Variants in SURF4 observed in about 807,000 individuals in gnomAD.
SURF4 encodes the protein surfeit 4.
A neutral mutation model predicts 30.0 loss-of-function variants in SURF4; 3 were observed. The observed-to-expected ratio is 0.10, with a 90% CI of 0.05 to 0.26. SURF4 has a LOEUF of 0.26. Ranked by LOEUF, SURF4 falls within the 10% of genes least tolerant of loss-of-function variation. SURF4 has a pLI of 1.00. For missense variants in SURF4, 217 were observed against 350.8 expected (o/e 0.62, Z 3.05); for synonymous variants, 143 against 139.9 (o/e 1.02, Z -0.16).
chr9:133,369,832 C>G (rs1167114285), intron 1 of SURF4, among the ~76,000 whole-genome samples: 1 of 152,360 alleles, frequency 6.6e-6, no homozygotes, highest in East Asian at 1.9e-4. Context: ...AAGCCTTTAT[C>G]TCATCTGAAC....
chr9:133,376,452 C>G (rs1163734858), upstream of SURF4: 1 of 1,562,058 alleles, frequency 6.4e-7, no homozygotes, highest in East Asian at 2.4e-5. Flanking sequence ...GGACGCTCGC[C>G]CGTACGCGGT....
At chr9:133,366,449 G>A (rs1837178806) in intron 3 of SURF4, 150 bp downstream of exon 3, 4 of 832,822 alleles carry the variant, frequency 4.8e-6, no homozygotes, top group Middle Eastern at 3.1e-4. Context: ...TTGGGCTCAC[G>A]ACTTCCCCAG....
intron 1 of SURF4, chr9:133,371,197 A>G (rs2130186873): frequency 5.4e-6 from 5 of 930,658 alleles, no homozygotes; most frequent in African/African-American, 1.8e-5. Flanking sequence ...GAATGTGAAC[A>G]TCGACGAAAA....
intron 1 of SURF4, 79 bp downstream of exon 1, chr9:133,375,843 G>A: frequency 8.3e-7 from 1 of 1,201,318 alleles, no homozygotes; most frequent in South Asian, 4.2e-5. Flanking sequence ...CTGGCGCCCT[G>A]CGCTGGGAGG....
chr9:133,371,710 C>T (rs1400670917), intron 1 of SURF4, among the ~76,000 whole-genome samples: 3 of 152,218 alleles, frequency 2.0e-5, no homozygotes, highest in Admixed American at 1.3e-4. Flanking sequence ...TATGACAGAG[C>T]CTGCCACTGT....
rs1435739914 is a variant in SURF4, at chr9:133,373,700, C to T, written c.48+2222G>A. On this transcript the variant is annotated intron_variant, in intron 1 of 5. Coordinates refer to ENST00000371989, the MANE Select transcript of SURF4 (RefSeq NM_033161.4). ...TGGGAGGCTAAGGCAGGCGGACCAC[C>T]TGAGGTCGGGAGTTCGAAACCAGCC... Among the ~76,000 whole-genome samples, 12 of 151,520 alleles carry T rather than the reference C, an allele frequency of 7.9e-5. No individual in the cohort carries two copies. The East Asian group carries it at 1.8e-3, about 22-fold the overall frequency.
chr9:133,376,066 G>A (rs1029759121), upstream of SURF4: 15 of 1,207,140 alleles, frequency 1.2e-5, no homozygotes, highest in East Asian at 4.4e-4. Context: ...GAAGTGCCCG[G>A]CGGCCGGCCT....
intron 1 of SURF4, among the ~76,000 whole-genome samples, chr9:133,374,477 CT>C (rs1564369774): frequency 6.6e-6 from 1 of 152,074 alleles, no homozygotes; most frequent in Non-Finnish European, 1.5e-5. Context: ...AGGAGAATCG[CT>C]TGAACCCAGG....
At position 133,363,654 on chromosome 9, in the gene SURF4, C is replaced by A. The variant is rs2130089951; in HGVS notation, c.649G>T (p.Val217Leu). 1.4e-5 allele frequency: 22 copies of A among 1,614,198 alleles called. No homozygotes were observed. The highest frequency in any genetic ancestry group is 1.9e-5 in the Non-Finnish European group (22 of 1,180,036). Residue 217 changes from valine (V) to leucine (L), a missense_variant, in exon 6 of 6, where the codon GTA becomes TTA. Val to Leu is a conservative substitution (Grantham distance 32). Transcript: ENST00000371989. This position sits in a 1 kb window ranked among gnomAD's most constrained non-coding sequence, Gnocchi z 4.3. ...TLVVWLFAIN[V>L]YFNAFWTIPV... ...ATGGTCCAGAAGGCGTTGAAATATA[C>A]GTTGATGGCAAAGAGCCACACAACA...
Position 133,362,308 on chromosome 9 carries a change from T to C in SURF4, c.*1185A>G, listed in dbSNP as rs1203593340. ...GACAGGGAGCAACAAGCAGTTAAGC[T>C]CCCCCAAAAAGAGAAACACAGTATA... is the stretch of plus-strand genomic sequence containing the variant. On this transcript the variant is annotated 3_prime_UTR_variant, in exon 6 of 6. Transcript: ENST00000371989. The C allele has an allele frequency of 2.0e-5, 3 of 152,308 alleles. No homozygotes were observed. Among genetic ancestry groups the C allele is most frequent in the Non-Finnish European group, 4.4e-5 (3 of 67,994 alleles). 9.4% of individuals were successfully genotyped at this position (152,308 alleles called of 1,614,324 possible).
At chr9:133,376,747 G>A (rs1331636176), upstream of SURF4, among the ~76,000 whole-genome samples, 3 of 152,180 alleles carry the variant, frequency 2.0e-5, no homozygotes, top group Admixed American at 1.3e-4. Context: ...TTGCCACTCA[G>A]TTTCCCCCTT....
chr9:133,377,030 T>C (rs1837987425), upstream of SURF4, among the ~76,000 whole-genome samples: 1 of 152,228 alleles, frequency 6.6e-6, no homozygotes, highest in Admixed American at 6.5e-5. Flanking sequence ...CTATACATGA[T>C]ATATACACTT....
intron 1 of SURF4, among the ~76,000 whole-genome samples, chr9:133,367,972 C>T (rs2130152632): frequency 1.3e-5 from 2 of 152,382 alleles, no homozygotes; most frequent in South Asian, 2.1e-4. Flanking sequence ...CAGGCTATGA[C>T]GCACGACATG....
rs1836981972 is a variant in SURF4, at chr9:133,363,769, T to C, written c.544-10A>G. On this transcript the variant is annotated splice_polypyrimidine_tract_variant and intron_variant, in intron 5 of 5. Coordinates refer to ENST00000371989, the MANE Select transcript of SURF4 (RefSeq NM_033161.4). This position sits in a 1 kb window ranked among gnomAD's most constrained non-coding sequence, Gnocchi z 4.3. ...CGATGTTCTGGACAATCTGCATAGG[T>C]TGAAACGTAAGAAATTCAAAATAAA... The C allele has an allele frequency of 1.2e-6, 2 of 1,613,464 alleles. No individual in the cohort carries two copies. Among genetic ancestry groups the C allele is most frequent in the Non-Finnish European group, 1.7e-6 (2 of 1,179,590 alleles).
At chr9:133,365,480 G>T (rs914824647) in intron 4 of SURF4, among the ~76,000 whole-genome samples, 1 of 152,152 alleles carries the variant, frequency 6.6e-6, no homozygotes, top group Non-Finnish European at 1.5e-5. Context: ...TTAGACAGGG[G>T]GGTCCAATCT....
intron 1 of SURF4, among the ~76,000 whole-genome samples, chr9:133,373,612 CATA>C (rs1185946597): frequency 5.3e-5 from 8 of 150,070 alleles, no homozygotes; most frequent in Non-Finnish European, 1.2e-4. Flanking sequence ...CCAAAAAAAA[CATA>C]ATAACAAAAC....
In SURF4 at chr9:133,363,338, G is replaced by T; in HGVS notation, c.*155C>A. 2 of 1,216,046 alleles carry T rather than the reference G, an allele frequency of 1.6e-6. No homozygotes were observed. The highest frequency in any genetic ancestry group is 2.5e-5 in the East Asian group (1 of 39,490). The allele number at this position is 1,216,046 out of a possible 1,614,324, so 75.3% of individuals were successfully genotyped here. On this transcript the variant is annotated 3_prime_UTR_variant, in exon 6 of 6. Coordinates refer to ENST00000371989, the MANE Select transcript of SURF4 (RefSeq NM_033161.4). The surrounding 1 kb of genome is among the most constrained non-coding windows in gnomAD (Gnocchi z 4.3). ...AGCAGACTGAGCCATCGATTCTCAG[G>T]TGTCTCTGCAAATAAAGTTCTCAAA... is the stretch of plus-strand genomic sequence containing the variant.
upstream of SURF4, chr9:133,376,309 C>A (rs1837938771): frequency 7.5e-7 from 1 of 1,342,214 alleles, no homozygotes; most frequent in African/African-American, 1.5e-5. Context: ...CGGAACGCGT[C>A]CCTTTTAAGG....
Position 133,363,082 on chromosome 9 carries a change from A to G in SURF4, c.*411T>C, listed in dbSNP as rs2130081884. ...CCAAAATAATTTAGTAGTTTCCGCT[A>G]AAAATGTAAACTTACAAATAAGAGG... On this transcript the variant is annotated 3_prime_UTR_variant, in exon 6 of 6. Coordinates refer to ENST00000371989, the MANE Select transcript of SURF4 (RefSeq NM_033161.4). The surrounding 1 kb of genome is among the most constrained non-coding windows in gnomAD (Gnocchi z 4.3). 29 of 334,408 alleles carry G rather than the reference A, an allele frequency of 8.7e-5. No homozygotes were observed. Among genetic ancestry groups the G allele is most frequent in the Non-Finnish European group, 1.4e-4 (25 of 178,800 alleles). 20.7% of individuals were successfully genotyped at this position (334,408 alleles called of 1,614,324 possible).
Sources: gnomAD v4.1 joint callset for allele counts (sites outside exome capture counted in the v4.1 genomes callset) on GRCh38, gnomAD v4.1.1 for gene constraint, Gnocchi (gnomAD v3.1) non-coding constraint, MANE v1.5 for transcripts, NCBI Gene and HGNC (gene_info 2026-07-23, HGNC 2026-07-21) for gene names.